Variants in TMEM117 observed in about 807,000 individuals in gnomAD.
TMEM117 encodes the protein transmembrane protein 117.
A neutral mutation model predicts 52.4 loss-of-function variants in TMEM117; 27 were observed. That is an observed-to-expected ratio of 0.51 (90% CI 0.38 to 0.71). The LOEUF is 0.71. TMEM117 is among the 30% of genes least tolerant of loss of function. The pLI is 0.00. For synonymous variants in TMEM117, 215 were observed against 206.3 expected, an observed-to-expected ratio of 1.04 and a Z score of -0.36; for missense variants, 556 against 630.5, an observed-to-expected ratio of 0.88 and a Z score of 1.26.
chr12:43,812,516 A>G, the TMEM117 span, among the ~76,000 whole-genome samples: 1 of 152,218 alleles, frequency 6.6e-6, no homozygotes, highest in Non-Finnish European at 1.5e-5. Context: ...ATATATTTAC[A>G]TACTAGTGAG....
chr12:44,216,683 A>T (rs1330597866), intron 5 of TMEM117, among the ~76,000 whole-genome samples: 5 of 152,208 alleles, frequency 3.3e-5, no homozygotes, highest in Admixed American at 2.6e-4. Flanking sequence ...GTGGCAAAGC[A>T]GTTGGTAAAA....
chr12:43,865,211 C>A (rs546933614), intron 2 of TMEM117, among the ~76,000 whole-genome samples: 2 of 152,128 alleles, frequency 1.3e-5, no homozygotes, highest in Non-Finnish European at 2.9e-5. Context: ...AAGGGTTGAA[C>A]AGAGATTTTA....
intron 3 of TMEM117, among the ~76,000 whole-genome samples, chr12:44,111,656 T>A (rs2138107972): frequency 7.5e-6 from 1 of 132,536 alleles, no homozygotes; most frequent in African/African-American, 3.3e-5. Context: ...ATAGGTGTGG[T>A]GTGGTGCTGA....
intron 5 of TMEM117, chr12:44,244,246 G>A (rs1467882990): frequency 6.6e-6 from 1 of 151,926 alleles, no homozygotes; most frequent in African/African-American, 2.4e-5. Flanking sequence ...CACCAACAGT[G>A]TCCAAGGGCT....
chr12:44,293,449 A>G (rs1409311924), intron 5 of TMEM117, among the ~76,000 whole-genome samples: 1 of 152,048 alleles, frequency 6.6e-6, no homozygotes, highest in Non-Finnish European at 1.5e-5. Context: ...ATAGGTAAAG[A>G]CTTATGACTT....
At chr12:43,948,427 T>A (rs746026175) in intron 3 of TMEM117, among the ~76,000 whole-genome samples, 1 of 152,038 alleles carries the variant, frequency 6.6e-6, no homozygotes, top group Non-Finnish European at 1.5e-5. Flanking sequence ...TGCCTCAGCC[T>A]CCTAAGTAGC....
At chr12:44,338,749 T>C (rs568908181) in intron 6 of TMEM117, among the ~76,000 whole-genome samples, 2 of 152,196 alleles carry the variant, frequency 1.3e-5, no homozygotes, top group African/African-American at 4.8e-5. Flanking sequence ...TGGTGAAATA[T>C]TAGAATTATC....
At chr12:44,208,731 T>G (rs1215229967) in intron 4 of TMEM117, among the ~76,000 whole-genome samples, 1 of 148,258 alleles carries the variant, frequency 6.7e-6, no homozygotes, top group Non-Finnish European at 1.5e-5. Flanking sequence ...GAATGTTTTT[T>G]TTTTTTTTTT....
intron 5 of TMEM117, among the ~76,000 whole-genome samples, chr12:44,296,109 G>T (rs1427993468): frequency 6.6e-6 from 1 of 152,180 alleles, no homozygotes; most frequent in African/African-American, 2.4e-5. Flanking sequence ...TATGGATCCT[G>T]TCTGGTCTCA....
intron 5 of TMEM117, among the ~76,000 whole-genome samples, chr12:44,288,972 TC>T (rs1254820353): frequency 1.9e-4 from 29 of 152,264 alleles, no homozygotes; most frequent in Admixed American, 1.1e-3. Flanking sequence ...CAGAACCTAT[TC>T]ACTTATAACT....
At chr12:43,968,390 T>C (rs1312584983) in intron 3 of TMEM117, among the ~76,000 whole-genome samples, 1 of 152,226 alleles carries the variant, frequency 6.6e-6, no homozygotes, top group Non-Finnish European at 1.5e-5. Context: ...CCAAGGAGAA[T>C]ATCTTGCATA....
intron 1 of TMEM117, among the ~76,000 whole-genome samples, chr12:43,842,782 A>G (rs1237663266): frequency 2.0e-5 from 3 of 152,134 alleles, no homozygotes; most frequent in Non-Finnish European, 4.4e-5. Context: ...CATTAGAAGT[A>G]GATATATTAC....
intron 6 of TMEM117, among the ~76,000 whole-genome samples, chr12:44,334,043 T>G (rs1469362901): frequency 6.6e-6 from 1 of 152,072 alleles, no homozygotes; most frequent in African/African-American, 2.4e-5. Context: ...CTCGATAGAA[T>G]TTTTAGAGAC....
chr12:43,858,450 A>G lies in TMEM117; in HGVS notation c.277+13522A>G, dbSNP rs114331090. ...CCAGCTCTCACTTTTGGTTAAAGAA[A>G]GTCATTTAGTCGCCCCCACAAGAAG... On this transcript the variant is annotated intron_variant, in intron 2 of 7. Transcript: ENST00000266534. Among the ~76,000 whole-genome samples the G allele has an allele frequency of 3.3e-3, 497 of 152,334 alleles. 4 individuals are homozygous for G. Among genetic ancestry groups the G allele is most frequent in the African/African-American group, 0.011 (468 of 41,574 alleles).
chr12:44,033,495 C>T (rs867706106), intron 3 of TMEM117, among the ~76,000 whole-genome samples: 7 of 152,088 alleles, frequency 4.6e-5, no homozygotes, highest in Admixed American at 2.6e-4. Flanking sequence ...TTTTGAAAAC[C>T]GATCCTTTAT....
At chr12:44,306,175 T>C (rs1950900964) in intron 6 of TMEM117, among the ~76,000 whole-genome samples, 1 of 152,134 alleles carries the variant, frequency 6.6e-6, no homozygotes, top group Admixed American at 6.5e-5. Flanking sequence ...CATCAGGTAC[T>C]ATGCTCTCTC....
intron 7 of TMEM117, among the ~76,000 whole-genome samples, chr12:44,383,655 G>T (rs1415822055): frequency 6.6e-6 from 1 of 152,132 alleles, no homozygotes; most frequent in Admixed American, 6.6e-5. Flanking sequence ...AAATGCAAAA[G>T]CTCTCATATG....
At chr12:43,885,701 C>T (rs867192758) in intron 2 of TMEM117, among the ~76,000 whole-genome samples, 4 of 151,780 alleles carry the variant, frequency 2.6e-5, no homozygotes, top group East Asian at 1.9e-4. Context: ...TTAACCTTAG[C>T]GTGTGAGACA....
intron 4 of TMEM117, among the ~76,000 whole-genome samples, chr12:44,144,080 A>G (rs1458034980): frequency 6.6e-6 from 1 of 152,182 alleles, no homozygotes; most frequent in East Asian, 1.9e-4. Flanking sequence ...GCAATTTAAG[A>G]AATCATTTTC....
Sources: gnomAD v4.1 joint callset for allele counts (sites outside exome capture counted in the v4.1 genomes callset) on GRCh38, gnomAD v4.1.1 for gene constraint, MANE v1.5 for transcripts, NCBI Gene and HGNC (gene_info 2026-07-23, HGNC 2026-07-21) for gene names.